UBAP2: variants seen among roughly 807,000 people sequenced by gnomAD.
The protein encoded by UBAP2 is ubiquitin associated protein 2.
UBAP2 carries 75 observed loss-of-function variants against 139.6 expected under a neutral mutation model. That is an observed-to-expected ratio of 0.54 (90% CI 0.45 to 0.65). The LOEUF is 0.65. Ranked by LOEUF, UBAP2 falls within the 30% of genes least tolerant of loss-of-function variation. The pLI, the probability that UBAP2 is intolerant of heterozygous loss-of-function variation, is 0.00. For synonymous variants in UBAP2, 526 were observed against 526.2 expected (o/e 1.00, Z 0.01); for missense variants, 1,368 against 1,369.6 (o/e 1.00, Z 0.02).
chr9:33,941,529 C>G, intron 16 of UBAP2, 120 bp downstream of exon 16: 1 of 849,008 alleles, frequency 1.2e-6, no homozygotes, highest in Non-Finnish European at 1.9e-6. Context: ...TATAAGGATT[C>G]TACTCAAAAG....
Position 33,998,849 on chromosome 9 carries a change from T to C in UBAP2, c.115A>G (p.Met39Val), listed in dbSNP as rs149441020. 6.8e-4 allele frequency: 1,095 copies of C among 1,611,210 alleles called. 6 individuals carry two copies. Among genetic ancestry groups the C allele is most frequent in the Non-Finnish European group, 5.0e-4 (587 of 1,179,618 alleles). ...TCAAAGATCACTTGAGCGAGACGCA[T>C]CTGTTCAGCTGTTGCCTGGAAAGTA... ...KQVVQATAEQ[M>V]RLAQVIFDKN... Residue 39 changes from methionine to valine, a missense_variant, in exon 3 of 29, where the codon ATG (methionine) becomes GTG (valine). Physicochemically the swap from Met to Val is conservative, Grantham distance 21. Coordinates refer to ENST00000379238, the MANE Select transcript of UBAP2 (RefSeq NM_001370062.2).
intron 2 of UBAP2, among the ~76,000 whole-genome samples, chr9:34,009,950 G>C (rs1823601640): frequency 6.6e-6 from 1 of 151,016 alleles, no homozygotes; most frequent in Non-Finnish European, 1.5e-5. Context: ...TGGGATTACA[G>C]GCATGTGCCA....
At chr9:33,993,642 G>A (rs544630357) in intron 4 of UBAP2, among the ~76,000 whole-genome samples, 275 of 152,270 alleles carry the variant, frequency 1.8e-3, no homozygotes, top group Non-Finnish European at 3.1e-3. Flanking sequence ...CTCTAGCCTG[G>A]GCAACGGAGT....
chr9:33,982,115 C>T (rs190911833), intron 6 of UBAP2, among the ~76,000 whole-genome samples: 21 of 152,090 alleles, frequency 1.4e-4, no homozygotes, highest in African/African-American at 4.3e-4. Flanking sequence ...AACTCTGAAG[C>T]TAAGCTTCAG....
intron 12 of UBAP2, chr9:33,952,800 T>C (rs1826213052): frequency 6.5e-6 from 1 of 154,636 alleles, no homozygotes; most frequent in Non-Finnish European, 1.5e-5. Flanking sequence ...AAATTCCACA[T>C]GGAATCATCA....
chr9:34,011,448 A>G (rs1328814116), intron 2 of UBAP2, among the ~76,000 whole-genome samples: 1 of 152,178 alleles, frequency 6.6e-6, no homozygotes, highest in Non-Finnish European at 1.5e-5. Flanking sequence ...TAACAATAAC[A>G]ATATAGTAAC....
chr9:33,949,596 C>CA (rs1218570552), intron 12 of UBAP2, among the ~76,000 whole-genome samples: 2 of 152,074 alleles, frequency 1.3e-5, no homozygotes, highest in Non-Finnish European at 2.9e-5. Flanking sequence ...CCAGCTACTC[C>CA]AGAGGCTGAG....
intron 17 of UBAP2, chr9:33,935,279 A>C (rs1824384486): frequency 6.6e-6 from 1 of 152,492 alleles, no homozygotes; most frequent in Non-Finnish European, 1.5e-5. Flanking sequence ...GAACAAGAAT[A>C]GTAAATTTTT....
At chr9:33,999,028 T>C (rs138345404) in intron 2 of UBAP2, among the ~76,000 whole-genome samples, 164 bp from the exon 3 acceptor site, 87 of 152,248 alleles carry the variant, frequency 5.7e-4, no homozygotes, top group Admixed American at 2.0e-3. Flanking sequence ...CCTGTTCCCA[T>C]AGGAAAAATA....
At chr9:33,998,430 T>C (rs1451107541) in intron 3 of UBAP2, 1 of 175,136 alleles carries the variant, frequency 5.7e-6, no homozygotes, top group African/African-American at 2.4e-5. Context: ...GGTAATTCAG[T>C]TCATCTCTAA....
rs533330195 is a variant in UBAP2 at position 33,938,984 on chromosome 9, A to G, written c.1929+2665T>C. ...GAGAAAAAGGAAGGGAGGATGATCC[A>G]TCCAAGACGGACAAGGGACACAAAT... On this transcript the variant is annotated intron_variant, in intron 16 of 28. Coordinates refer to ENST00000379238, the MANE Select transcript of UBAP2 (RefSeq NM_001370062.2). The G allele has an allele frequency of 1.6e-5, 7 of 425,538 alleles. No homozygotes were observed. The East Asian group carries it at 5.0e-4, about 30-fold the overall frequency. The allele number at this position is 425,538 out of a possible 1,614,324, so 26.4% of individuals were successfully genotyped here.
intron 8 of UBAP2, among the ~76,000 whole-genome samples, chr9:33,970,274 T>C (rs1194712062): frequency 6.6e-6 from 1 of 151,942 alleles, no homozygotes; most frequent in African/African-American, 2.4e-5. Flanking sequence ...CTTGATGATC[T>C]CATAAGAAGC....
intron 16 of UBAP2, among the ~76,000 whole-genome samples, chr9:33,941,435 A>T (rs1259436077): frequency 6.6e-6 from 1 of 152,228 alleles, no homozygotes; most frequent in African/African-American, 2.4e-5. Flanking sequence ...GGTTTTCTCC[A>T]CAAAGTGTAT....
At chr9:33,932,091 G>C (rs1488598264) in intron 19 of UBAP2, among the ~76,000 whole-genome samples, 1 of 152,038 alleles carries the variant, frequency 6.6e-6, no homozygotes, top group Non-Finnish European at 1.5e-5. Flanking sequence ...CCATAATCTA[G>C]GGCTACTCTT....
chr9:33,966,903 T>TA lies in UBAP2; in HGVS notation c.680-3113dup, dbSNP rs554972279. 3.4e-3 allele frequency among the ~76,000 whole-genome samples: 520 copies of TA among 152,206 alleles called. 3 individuals carry two copies. Among genetic ancestry groups the TA allele is most frequent in the African/African-American group, 0.012 (504 of 41,510 alleles). On this transcript the variant is annotated intron_variant, in intron 8 of 28. Coordinates refer to ENST00000379238, the MANE Select transcript of UBAP2 (RefSeq NM_001370062.2). ...CTACATCAACAAATCTAATTTTTTT[T>TA]AAAAATCAGTGGGGAAAATTTACAT...
intron 16 of UBAP2, 24 bp from the exon 17 acceptor site, chr9:33,935,902 A>C (rs1824468634): frequency 6.2e-7 from 1 of 1,604,744 alleles, no homozygotes; most frequent in Non-Finnish European, 8.5e-7. Flanking sequence ...AAGAGAAGAG[A>C]ATATAAACTT....
chr9:33,959,314 G>C (rs1826834960), intron 10 of UBAP2, among the ~76,000 whole-genome samples: 4 of 152,168 alleles, frequency 2.6e-5, no homozygotes, highest in Admixed American at 2.6e-4. Flanking sequence ...AACAAGTCAA[G>C]TAGAAATCAT....
intron 1 of UBAP2, among the ~76,000 whole-genome samples, chr9:34,040,670 A>G (rs996944079): frequency 6.6e-6 from 1 of 152,214 alleles, no homozygotes; most frequent in African/African-American, 2.4e-5. Flanking sequence ...ACATCCCACT[A>G]CAATTGGCTA....
chr9:33,981,780 T>A (rs141150500), intron 6 of UBAP2, among the ~76,000 whole-genome samples: 11,458 of 112,230 alleles, frequency 0.1, 521 homozygotes, highest in African/African-American at 0.18. Flanking sequence ...GGTAGGAAGG[T>A]AGGAAGGAAG....
Sources: gnomAD v4.1 joint callset for allele counts (sites outside exome capture counted in the v4.1 genomes callset) on GRCh38, gnomAD v4.1.1 for gene constraint, MANE v1.5 for transcripts, NCBI Gene and HGNC (gene_info 2026-07-23, HGNC 2026-07-21) for gene names.